Variants in RARB observed in about 807,000 individuals in gnomAD.
The protein encoded by RARB is retinoic acid receptor beta.
In RARB, 17 loss-of-function variants were observed where a neutral mutation model predicts 51.9. That is an observed-to-expected ratio of 0.33 (90% CI 0.22 to 0.49). RARB has a LOEUF of 0.49. RARB is among the 20% of genes least tolerant of loss of function. The pLI, the probability that RARB is intolerant of heterozygous loss-of-function variation, is 0.99. For missense variants in RARB, 369 were observed against 550.8 expected, an observed-to-expected ratio of 0.67 and a Z score of 3.30; for synonymous variants, 215 against 195.4, an observed-to-expected ratio of 1.10 and a Z score of -0.84.
rs557569584 is a variant in RARB at position 25,269,311 on chromosome 3, C to A, written c.178+94736C>A. Among the ~76,000 whole-genome samples, 277 of 152,260 alleles carry A rather than the reference C, an allele frequency of 1.8e-3. 2 individuals carry two copies. The highest frequency in any genetic ancestry group is 3.1e-3 in the Non-Finnish European group (208 of 68,020). ...GAGCAATAACCTATTATTTATTATT[C>A]TTTAACGTATATGCCCCACAAAGCT... On this transcript the variant is annotated intron_variant, in intron 5 of 11. Transcript: ENST00000383772.
At chr3:24,976,055 T>C (rs1053112209) in intron 2 of RARB, among the ~76,000 whole-genome samples, 1 of 152,154 alleles carries the variant, frequency 6.6e-6, no homozygotes, top group Non-Finnish European at 1.5e-5. Flanking sequence ...CTGCAGAGAA[T>C]GATGGTTTCC....
At chr3:24,910,141 C>CT (rs1288178902) in intron 2 of RARB, among the ~76,000 whole-genome samples, 3 of 152,066 alleles carry the variant, frequency 2.0e-5, no homozygotes, top group African/African-American at 4.8e-5. Flanking sequence ...CTGACTCTTC[C>CT]TTTTTTTACT....
At chr3:25,314,354 A>G (rs1474169069) in intron 5 of RARB, among the ~76,000 whole-genome samples, 2 of 152,188 alleles carry the variant, frequency 1.3e-5, no homozygotes, top group Admixed American at 6.5e-5. Context: ...ATTATTGACA[A>G]TTTAGAAACA....
chr3:25,316,440 A>T (rs542800305), intron 5 of RARB, among the ~76,000 whole-genome samples: 1 of 152,342 alleles, frequency 6.6e-6, no homozygotes, highest in East Asian at 1.9e-4. Flanking sequence ...CAAGTCATCT[A>T]GTAGGATTAA....
intron 5 of RARB, among the ~76,000 whole-genome samples, chr3:25,339,431 T>C (rs902291255): frequency 1.3e-5 from 2 of 152,188 alleles, no homozygotes; most frequent in African/African-American, 2.4e-5. Flanking sequence ...CTCACTTCTG[T>C]TTTCGGAACG....
chr3:24,983,372 T>G (rs1696718440), intron 2 of RARB, among the ~76,000 whole-genome samples: 1 of 152,180 alleles, frequency 6.6e-6, no homozygotes, highest in South Asian at 2.1e-4. Context: ...TTATATTTAT[T>G]TATTTATTTT....
chr3:25,138,232 T>A (rs560833605), intron 4 of RARB, among the ~76,000 whole-genome samples: 1 of 152,222 alleles, frequency 6.6e-6, no homozygotes, highest in South Asian at 2.1e-4. Context: ...CCACTGTACA[T>A]AGATGAAAAC....
intron 2 of RARB, among the ~76,000 whole-genome samples, chr3:24,864,578 C>T (rs539417625): frequency 6.6e-6 from 1 of 152,314 alleles, no homozygotes; most frequent in South Asian, 2.1e-4. Context: ...ACTCAGTTTA[C>T]TCTTCAACCT....
intron 2 of RARB, among the ~76,000 whole-genome samples, chr3:24,964,142 C>A (rs981871220): frequency 6.6e-6 from 1 of 151,988 alleles, no homozygotes; most frequent in East Asian, 1.9e-4. Flanking sequence ...ACCCCCCCAC[C>A]CCACATACTG....
At chr3:24,860,507 C>T (rs1702730563) in intron 2 of RARB, among the ~76,000 whole-genome samples, 1 of 152,018 alleles carries the variant, frequency 6.6e-6, no homozygotes, top group Non-Finnish European at 1.5e-5. Flanking sequence ...GTTGTTTGAC[C>T]ATAGCTATTC....
At chr3:25,518,559 A>G (rs1330771623) in intron 3 of RARB, among the ~76,000 whole-genome samples, 1 of 152,192 alleles carries the variant, frequency 6.6e-6, no homozygotes, top group Non-Finnish European at 1.5e-5. Flanking sequence ...AAGCAAGGCA[A>G]TCCTTATGAC....
intron 1 of RARB, among the ~76,000 whole-genome samples, chr3:24,844,214 G>C (rs1702457935): frequency 6.6e-6 from 1 of 152,176 alleles, no homozygotes; most frequent in Non-Finnish European, 1.5e-5. Context: ...TGCCATTCTT[G>C]CCAGGAGATC....
At chr3:25,374,215 T>A (rs1032930273) in intron 5 of RARB, among the ~76,000 whole-genome samples, 1 of 151,856 alleles carries the variant, frequency 6.6e-6, no homozygotes, top group Non-Finnish European at 1.5e-5. Context: ...GCAAATACAT[T>A]CACACACTAT....
At chr3:25,033,086 G>T (rs1697908937) in intron 2 of RARB, among the ~76,000 whole-genome samples, 1 of 152,112 alleles carries the variant, frequency 6.6e-6, no homozygotes, top group South Asian at 2.1e-4. Flanking sequence ...CTAGGCTTTT[G>T]ATCTGGTTAA....
chr3:25,258,296 G>A (rs965077563), intron 5 of RARB, among the ~76,000 whole-genome samples: 1 of 152,130 alleles, frequency 6.6e-6, no homozygotes, highest in Middle Eastern at 3.2e-3. Flanking sequence ...TACACAAGTA[G>A]CTAATCACCC....
intron 5 of RARB, among the ~76,000 whole-genome samples, chr3:25,339,873 A>G (rs1268475440): frequency 6.6e-6 from 1 of 152,158 alleles, no homozygotes; most frequent in Admixed American, 6.6e-5. Flanking sequence ...AGTTTCCACA[A>G]AACTGCATAA....
chr3:24,884,382 G>A (rs182965778), intron 2 of RARB, among the ~76,000 whole-genome samples: 119 of 152,298 alleles, frequency 7.8e-4, no homozygotes, highest in Non-Finnish European at 1.4e-3. Flanking sequence ...TAGTTTAAGG[G>A]AAAGTACATG....
intron 3 of RARB, among the ~76,000 whole-genome samples, chr3:25,105,224 A>T (rs901905522): frequency 3.3e-5 from 5 of 151,430 alleles, no homozygotes; most frequent in Admixed American, 6.6e-5. Context: ...CCCACAGAGC[A>T]TCTACACACC....
intron 5 of RARB, among the ~76,000 whole-genome samples, chr3:25,310,407 C>T (rs187744145): frequency 1.3e-5 from 2 of 152,206 alleles, no homozygotes; most frequent in African/African-American, 4.8e-5. Flanking sequence ...TTTTTTGGTA[C>T]CTAGTATGTG....
Sources: gnomAD v4.1 joint callset for allele counts (sites outside exome capture counted in the v4.1 genomes callset) on GRCh38, gnomAD v4.1.1 for gene constraint, MANE v1.5 for transcripts, NCBI Gene and HGNC (gene_info 2026-07-23, HGNC 2026-07-21) for gene names.